TMEM272: variants seen among roughly 807,000 people sequenced by gnomAD.
TMEM272 encodes transmembrane protein 272.
A neutral mutation model predicts 3.7 loss-of-function variants in TMEM272; 8 were observed. The ratio of observed to expected loss-of-function variants is 2.17; its 90% CI spans 1.27 to 3.91. The LOEUF is 3.91. Ranked by LOEUF, TMEM272 falls within the 30% of genes most tolerant of loss-of-function variation. TMEM272 has a pLI of 0.00. For missense variants in TMEM272, 166 were observed against 91.5 expected, an observed-to-expected ratio of 1.81 and a Z score of -3.32; for synonymous variants, 63 against 39.8, an observed-to-expected ratio of 1.58 and a Z score of -2.20.
At chr13:51,929,594 G>A in the TMEM272 span, among the ~76,000 whole-genome samples, 2 of 152,344 alleles carry the variant, frequency 1.3e-5, no homozygotes, top group Middle Eastern at 3.4e-3. Context: ...ACCAAGGGAT[G>A]CTGAGGAAGT....
intron 3 of TMEM272, among the ~76,000 whole-genome samples, chr13:51,825,397 A>G (rs954394632): frequency 1.3e-5 from 2 of 152,220 alleles, no homozygotes; most frequent in African/African-American, 4.8e-5. Flanking sequence ...TCTAAAGTGA[A>G]TAATTCAGTG....
the TMEM272 span, among the ~76,000 whole-genome samples, chr13:51,862,406 T>C: frequency 1.3e-5 from 2 of 152,276 alleles, no homozygotes; most frequent in Non-Finnish European, 2.9e-5. Context: ...TATTGTACTT[T>C]ATATTTTAAT....
At position 51,814,949 on chromosome 13, in the gene TMEM272, G is replaced by A. The variant is rs1956003616; in HGVS notation, c.*1802C>T. 1 of 152,692 alleles carries A rather than the reference G, an allele frequency of 6.5e-6. No individual in the cohort carries two copies. Among genetic ancestry groups the A allele is most frequent in the Non-Finnish European group, 1.5e-5 (1 of 68,078 alleles). 9.5% of individuals were successfully genotyped at this position (152,692 alleles called of 1,614,324 possible). A position where few individuals can be genotyped will look rare whatever the true frequency, so the allele number is the denominator to read the frequency against. ...CAGAAGCCTCAGAGGCTTTCATGTG[G>A]GAGTCATGCAGGTGTCCCTGGGCCC... is the stretch of plus-strand genomic sequence containing the variant. On this transcript the variant is annotated 3_prime_UTR_variant, in exon 5 of 5. Coordinates refer to ENST00000629372, the MANE Select transcript of TMEM272 (RefSeq NM_001351003.2).
chr13:51,871,785 TACACACACACACACACACACACAC>T, the TMEM272 span, among the ~76,000 whole-genome samples: 42 of 129,680 alleles, frequency 3.2e-4, no homozygotes, highest in East Asian at 6.9e-4. Flanking sequence ...AATCTCCCCC[TACACACACACACACACACACACAC>T]ACACACACAC....
the TMEM272 span, among the ~76,000 whole-genome samples, chr13:51,916,766 A>G: frequency 1.4e-4 from 21 of 150,812 alleles, no homozygotes; most frequent in African/African-American, 4.9e-4. Context: ...TACCTCAGTG[A>G]TTTTTCTTCT....
At chr13:51,841,466 A>G (rs59181498) in intron 1 of TMEM272, among the ~76,000 whole-genome samples, 112 of 152,342 alleles carry the variant, frequency 7.4e-4, no homozygotes, top group African/African-American at 2.6e-3. Context: ...TGCAGAAACT[A>G]ACGAGATGGG....
At chr13:51,864,927 C>T in the TMEM272 span, among the ~76,000 whole-genome samples, 1 of 152,168 alleles carries the variant, frequency 6.6e-6, no homozygotes, top group Non-Finnish European at 1.5e-5. Context: ...GTCCCAGGCT[C>T]GTAACAGAGG....
At chr13:51,841,511 G>C (rs1256478237) in intron 1 of TMEM272, among the ~76,000 whole-genome samples, 1 of 152,160 alleles carries the variant, frequency 6.6e-6, no homozygotes, top group Non-Finnish European at 1.5e-5. Context: ...TTTCTACCTT[G>C]GGCCATTCCC....
At chr13:51,931,084 T>C in the TMEM272 span, among the ~76,000 whole-genome samples, 416 of 152,320 alleles carry the variant, frequency 2.7e-3, 8 homozygotes, top group East Asian at 0.044. Context: ...GCCTGAGGAA[T>C]ATATCAGGAA....
At chr13:51,842,639 A>G (rs2139591509) in intron 1 of TMEM272, among the ~76,000 whole-genome samples, 1 of 152,364 alleles carries the variant, frequency 6.6e-6, no homozygotes, top group Non-Finnish European at 1.5e-5. Context: ...GCTTTTAAGT[A>G]TATGCATATA....
chr13:51,816,773 C>G lies in TMEM272; in HGVS notation c.542G>C (p.Arg181Thr). Residue 181 changes from arginine (R) to threonine (T), a missense_variant, in exon 5 of 5, where the codon AGA becomes ACA. Coordinates refer to ENST00000629372, the MANE Select transcript of TMEM272 (RefSeq NM_001351003.2). ...CTGTCAGTCTTCATCGGCAGCAAGT[C>G]TCCACCTGGAGCACAGGTAGACACA... ...SGCVYLCSRW[R>T]LAADED The G allele has an allele frequency of 1.4e-6, 1 of 700,118 alleles. No homozygotes were observed. The highest frequency in any genetic ancestry group is 2.6e-6 in the Non-Finnish European group (1 of 382,622). The allele number at this position is 700,118 out of a possible 1,614,324, so 43.4% of individuals were successfully genotyped here.
At chr13:51,871,316 G>A in the TMEM272 span, among the ~76,000 whole-genome samples, 6 of 151,326 alleles carry the variant, frequency 4.0e-5, no homozygotes, top group East Asian at 1.9e-4. Flanking sequence ...TCAGCCTCCC[G>A]AGTAGCTGGG....
chr13:51,834,051 C>T (rs1317700888), intron 2 of TMEM272, among the ~76,000 whole-genome samples: 3 of 152,100 alleles, frequency 2.0e-5, no homozygotes, highest in East Asian at 1.9e-4. Context: ...TCCCCAGGCT[C>T]GTAAAGACCC....
the TMEM272 span, among the ~76,000 whole-genome samples, chr13:51,905,671 A>G: frequency 6.6e-6 from 1 of 152,236 alleles, no homozygotes; most frequent in Admixed American, 6.5e-5. Context: ...AAATGGTAGA[A>G]TAAGTGCTAG....
the TMEM272 span, among the ~76,000 whole-genome samples, chr13:51,850,939 C>A: frequency 6.6e-6 from 1 of 152,104 alleles, no homozygotes; most frequent in Non-Finnish European, 1.5e-5. Flanking sequence ...GAATATATCC[C>A]GCTAAGGAGG....
the TMEM272 span, among the ~76,000 whole-genome samples, chr13:51,888,802 C>T: frequency 1.3e-5 from 2 of 151,962 alleles, no homozygotes; most frequent in East Asian, 1.9e-4. Flanking sequence ...CCTGCCACCA[C>T]GCCTGGCTAA....
chr13:51,865,661 G>A, the TMEM272 span: 3 of 1,614,206 alleles, frequency 1.9e-6, no homozygotes, highest in Non-Finnish European at 2.5e-6. Context: ...ACCTTTCTGG[G>A]AAGAGGAGAA....
At chr13:51,897,362 A>ATTTTTT in the TMEM272 span, among the ~76,000 whole-genome samples, 732 of 82,388 alleles carry the variant, frequency 8.9e-3, 36 homozygotes, top group Non-Finnish European at 0.012. Flanking sequence ...TGTCTGGCTA[A>ATTTTTT]TTTTTTTTTT....
At chr13:51,900,434 C>T in the TMEM272 span, among the ~76,000 whole-genome samples, 3 of 152,200 alleles carry the variant, frequency 2.0e-5, no homozygotes, top group African/African-American at 7.2e-5. Flanking sequence ...CATACCACTT[C>T]ATATGCACTG....
Sources: gnomAD v4.1 joint callset for allele counts (sites outside exome capture counted in the v4.1 genomes callset) on GRCh38, gnomAD v4.1.1 for gene constraint, MANE v1.5 for transcripts, NCBI Gene and HGNC (gene_info 2026-07-23, HGNC 2026-07-21) for gene names.